U2SURP: variants seen among roughly 807,000 people sequenced by gnomAD.
U2SURP encodes U2 snRNP associated SURP domain containing, also known as U2 snRNP-associated SURP motif-containing protein.
U2SURP carries 9 observed loss-of-function variants against 144.9 expected under a neutral mutation model. The ratio of observed to expected loss-of-function variants is 0.06; its 90% CI spans 0.04 to 0.11. The LOEUF is 0.11. U2SURP is among the 10% of genes least tolerant of loss of function. U2SURP has a pLI of 1.00. For synonymous variants in U2SURP, 408 were observed against 396.8 expected, an observed-to-expected ratio of 1.03 and a Z score of -0.33; for missense variants, 724 against 1,226.7, an observed-to-expected ratio of 0.59 and a Z score of 6.12.
chr3:143,026,598 A>G (rs1002223781), intron 13 of U2SURP: 1 of 152,190 alleles, frequency 6.6e-6, no homozygotes, highest in South Asian at 2.1e-4. Context: ...TGTACCAGAA[A>G]AACACAGGAG....
chr3:143,044,289 C>CTTTTTTTTCTT (rs1934285582), intron 24 of U2SURP, among the ~76,000 whole-genome samples: 2 of 81,388 alleles, frequency 2.5e-5, no homozygotes, highest in African/African-American at 1.2e-4. Context: ...CTCCCCTCTC[C>CTTTTTTTTCTT]TTTTTTTTTT....
At chr3:143,022,311 T>G (rs2108284220) in intron 10 of U2SURP, among the ~76,000 whole-genome samples, 186 bp from the exon 11 acceptor site, 1 of 152,328 alleles carries the variant, frequency 6.6e-6, no homozygotes, top group East Asian at 1.9e-4. Context: ...AGAATATTTA[T>G]AGTATGAAAT....
chr3:143,047,955 C>G (rs1400936167), intron 24 of U2SURP, among the ~76,000 whole-genome samples: 1 of 152,114 alleles, frequency 6.6e-6, no homozygotes. Context: ...GAGAGCAGTG[C>G]CTAGGCTGGA....
Position 143,056,477 on chromosome 3 carries a change from AT to A in U2SURP, c.*29del. ...GTAAATTTTTAAGATGCTGTCACTT[AT>A]TGGAAATGCGATTTGTTTTGTGCCT... On this transcript the variant is annotated 3_prime_UTR_variant, in exon 28 of 28. Coordinates refer to ENST00000473835, the MANE Select transcript of U2SURP (RefSeq NM_001080415.2). 1 of 1,607,076 alleles carries A rather than the reference AT, an allele frequency of 6.2e-7. No individual in the cohort carries two copies. Among genetic ancestry groups the A allele is most frequent in the Non-Finnish European group, 8.5e-7 (1 of 1,177,114 alleles).
chr3:143,025,121 A>G (rs969940538), intron 13 of U2SURP, among the ~76,000 whole-genome samples: 2 of 144,512 alleles, frequency 1.4e-5, no homozygotes, highest in African/African-American at 2.5e-5. Context: ...GATTTTAAAT[A>G]ATCATGAAAC....
intron 2 of U2SURP, among the ~76,000 whole-genome samples, chr3:143,011,538 A>G (rs534344692): frequency 2.0e-5 from 3 of 152,224 alleles, no homozygotes; most frequent in African/African-American, 4.8e-5. Flanking sequence ...AGCTGGAGGT[A>G]CAAAAGCATT....
chr3:143,045,136 C>A (rs929480307), intron 24 of U2SURP, among the ~76,000 whole-genome samples: 1 of 151,952 alleles, frequency 6.6e-6, no homozygotes, highest in Non-Finnish European at 1.5e-5. Flanking sequence ...TTTGGGAGGT[C>A]GAGGCGGGTG....
intron 26 of U2SURP, among the ~76,000 whole-genome samples, chr3:143,054,615 T>G (rs1935052293): frequency 6.6e-6 from 1 of 152,224 alleles, no homozygotes; most frequent in African/African-American, 2.4e-5. Flanking sequence ...TTTGCCAACA[T>G]GATGCCCCAT....
chr3:143,032,761 A>G lies in U2SURP; in HGVS notation c.1611-23A>G, dbSNP rs188663554. 5.3e-4 allele frequency: 833 copies of G among 1,586,242 alleles called. 2 individuals carry two copies. Among genetic ancestry groups the G allele is most frequent in the Middle Eastern group, 2.8e-3 (15 of 5,352 alleles). ...TTTGAAATTGTATCTAAATATTTAT[A>G]AGTTAAAACAATTTATGTTCAGACA... On this transcript the variant is annotated intron_variant, in intron 16 of 27. Transcript: ENST00000473835.
chr3:143,009,326 G>A (rs1314119267), intron 1 of U2SURP, among the ~76,000 whole-genome samples: 1 of 151,994 alleles, frequency 6.6e-6, no homozygotes, highest in Non-Finnish European at 1.5e-5. Context: ...GGCCGGGTGC[G>A]GTCGCTCATG....
rs759153323 is a variant in U2SURP at position 143,001,576 on chromosome 3, G to C, written c.-53G>C. The stretch of plus-strand genomic sequence containing the variant: ...GGCTTCACTGAGATCCGCTCTTTCG[G>C]TGCTCGACTCGCCCGTGCTGCTGCC... On this transcript the variant is annotated 5_prime_UTR_variant, in exon 1 of 28. Coordinates refer to ENST00000473835, the MANE Select transcript of U2SURP (RefSeq NM_001080415.2). 1.2e-6 allele frequency: 2 copies of C among 1,605,934 alleles called. No homozygotes were observed. The highest frequency in any genetic ancestry group is 1.7e-6 in the Non-Finnish European group (2 of 1,176,702).
intron 24 of U2SURP, among the ~76,000 whole-genome samples, chr3:143,049,925 G>C (rs1934764205): frequency 6.6e-6 from 1 of 152,064 alleles, no homozygotes; most frequent in African/African-American, 2.4e-5. Flanking sequence ...TATATTACAT[G>C]TATTTGTTTG....
At chr3:143,023,257 T>C (rs1374071208) in intron 12 of U2SURP, 193 bp downstream of exon 12, 5 of 506,652 alleles carry the variant, frequency 9.9e-6, no homozygotes, top group Non-Finnish European at 1.4e-5. Flanking sequence ...TATTTTTATT[T>C]GTGGCTACCA....
chr3:143,048,602 T>G (rs922007342), intron 24 of U2SURP, among the ~76,000 whole-genome samples: 1 of 152,138 alleles, frequency 6.6e-6, no homozygotes, highest in Admixed American at 6.5e-5. Flanking sequence ...AAAGCTCTGA[T>G]TATAAAAGAC....
At chr3:143,004,558 C>CTGGTCTGGAA (rs1935725692) in intron 1 of U2SURP, among the ~76,000 whole-genome samples, 6 of 101,274 alleles carry the variant, frequency 5.9e-5, no homozygotes, top group Admixed American at 5.5e-4. Context: ...CATCTGTTGG[C>CTGGTCTGGAA]CTCTTGACCT....
intron 18 of U2SURP, among the ~76,000 whole-genome samples, chr3:143,034,115 A>G (rs1933667908): frequency 6.6e-6 from 1 of 152,198 alleles, no homozygotes; most frequent in Non-Finnish European, 1.5e-5. Context: ...TAATTAATGT[A>G]TAATTCAGCT....
At chr3:143,002,682 G>C (rs148398118) in intron 1 of U2SURP, among the ~76,000 whole-genome samples, 1 of 152,154 alleles carries the variant, frequency 6.6e-6, no homozygotes, top group Non-Finnish European at 1.5e-5. Flanking sequence ...ATTTACGGTA[G>C]GAGAGAAGCT....
rs1935242394 is a variant in U2SURP, at chr3:143,058,314, T to A, written c.*1864T>A. 1 of 151,916 alleles carries A rather than the reference T, an allele frequency of 6.6e-6. No homozygotes were observed. The highest frequency in any genetic ancestry group is 2.4e-5 in the African/African-American group (1 of 41,432). The allele number at this position is 151,916 out of a possible 1,614,324, so 9.4% of individuals were successfully genotyped here. A position where few individuals can be genotyped will look rare whatever the true frequency, so the allele number is the denominator to read the frequency against. Reference sequence around the variant, plus strand: ...TTCCAGTCAAGTTGCAAGGGATGCTTATTTCTCTTCAAAAAAAGACATCCT... The same window carrying A: ...TTCCAGTCAAGTTGCAAGGGATGCTAATTTCTCTTCAAAAAAAGACATCCT... On this transcript the variant is annotated 3_prime_UTR_variant, in exon 28 of 28. Transcript: ENST00000473835.
chr3:143,032,694 G>C, intron 16 of U2SURP, 90 bp from the exon 17 acceptor site: 2 of 1,162,094 alleles, frequency 1.7e-6, no homozygotes, highest in Non-Finnish European at 2.4e-6. Context: ...TATGTGAGTA[G>C]GTTTTAAAGA....
Sources: gnomAD v4.1 joint callset for allele counts (sites outside exome capture counted in the v4.1 genomes callset) on GRCh38, gnomAD v4.1.1 for gene constraint, MANE v1.5 for transcripts, NCBI Gene and HGNC (gene_info 2026-07-23, HGNC 2026-07-21) for gene names.